CHN2: variants seen among roughly 807,000 people sequenced by gnomAD.
The protein encoded by CHN2 is chimerin 2.
In CHN2, 35 loss-of-function variants were observed where a neutral mutation model predicts 56.3. The observed-to-expected ratio is 0.62, with a 90% CI of 0.47 to 0.82. The LOEUF is 0.82. Ranked by LOEUF, CHN2 falls within the 40% of genes least tolerant of loss-of-function variation. The pLI is 0.00. For synonymous variants in CHN2, 210 were observed against 212.8 expected, an observed-to-expected ratio of 0.99 and a Z score of 0.12; for missense variants, 491 against 580.5, an observed-to-expected ratio of 0.85 and a Z score of 1.58.
In CHN2 at chr7:29,294,080, A is replaced by G. The variant is rs575161788; in HGVS notation, c.50-60545A>G. ...ACGGGGTTTCACCGTGTTAGCGAGG[A>G]TGGTCTCGATCTCCTGACCTCGTGA... On this transcript the variant is annotated intron_variant, in intron 1 of 12. Coordinates refer to ENST00000222792, the MANE Select transcript of CHN2 (RefSeq NM_004067.4). 2.0e-5 allele frequency among the ~76,000 whole-genome samples: 3 copies of G among 151,734 alleles called. No homozygotes were observed. In the South Asian group the frequency reaches 6.3e-4, roughly 32 times the overall value.
chr7:29,356,349 C>A (rs558924954), intron 2 of CHN2, among the ~76,000 whole-genome samples: 4 of 152,010 alleles, frequency 2.6e-5, no homozygotes, highest in Non-Finnish European at 4.4e-5. Context: ...TATGAATGTA[C>A]GTATTTGTTA....
chr7:29,434,871 A>G (rs931142448), intron 6 of CHN2, among the ~76,000 whole-genome samples: 5 of 152,202 alleles, frequency 3.3e-5, no homozygotes, highest in Non-Finnish European at 7.3e-5. Flanking sequence ...GCAGGCAGAT[A>G]GCTTGAGGAC....
intron 1 of CHN2, among the ~76,000 whole-genome samples, chr7:29,214,388 T>C (rs541534823): frequency 7.2e-5 from 11 of 152,330 alleles, no homozygotes; most frequent in Admixed American, 6.5e-5. Flanking sequence ...TTTATCCATA[T>C]GTTATAACCT....
chr7:29,294,615 G>T (rs1792972382), intron 1 of CHN2, among the ~76,000 whole-genome samples: 1 of 152,146 alleles, frequency 6.6e-6, no homozygotes, highest in African/African-American at 2.4e-5. Flanking sequence ...TGATTCAGAG[G>T]CATTATAAGT....
intron 3 of CHN2, among the ~76,000 whole-genome samples, chr7:29,382,513 G>A (rs914100006): frequency 6.6e-6 from 1 of 152,184 alleles, no homozygotes; most frequent in Non-Finnish European, 1.5e-5. Flanking sequence ...CCCCAGAAAG[G>A]GATCTGGGAG....
In CHN2 at chr7:29,405,754, TTTTG is replaced by T. The variant is rs1164069326; in HGVS notation, c.576+4942_576+4945del. Among the ~76,000 whole-genome samples the T allele has an allele frequency of 1.7e-4, 26 of 152,140 alleles. No individual in the cohort carries two copies. In the East Asian group the frequency reaches 3.7e-3, roughly 21 times the overall value. On this transcript the variant is annotated intron_variant, in intron 6 of 12. Transcript: ENST00000222792. The stretch of plus-strand genomic sequence containing the variant: ...CTCCCCTCTTGTCTCCCACTCAGCG[TTTTG>T]TTTGTTTGTTTGTTTTTTCTTTCTA...
intron 1 of CHN2, among the ~76,000 whole-genome samples, chr7:29,314,101 C>T (rs1439911651): frequency 6.6e-6 from 1 of 152,170 alleles, no homozygotes; most frequent in Non-Finnish European, 1.5e-5. Flanking sequence ...GATATTTGTA[C>T]ACCATGCTAC....
intron 1 of CHN2, among the ~76,000 whole-genome samples, chr7:29,257,509 C>G (rs905981008): frequency 5.3e-4 from 80 of 152,186 alleles, no homozygotes; most frequent in Non-Finnish European, 3.5e-4. Flanking sequence ...TTCCACTCCT[C>G]CACATATCCC....
chr7:29,193,794 T>C (rs1394308300), upstream of CHN2: 1 of 152,260 alleles, frequency 6.6e-6, no homozygotes, highest in African/African-American at 2.4e-5. Context: ...AATCTTTTTT[T>C]GCAAGGCACG....
At chr7:29,264,096 T>C (rs245987) in intron 1 of CHN2, among the ~76,000 whole-genome samples, 37,870 of 142,518 alleles carry the variant, frequency 0.27, 8,534 homozygotes, top group African/African-American at 0.62. Flanking sequence ...CGCCTCTGCC[T>C]GGCTGCCCCG....
At chr7:29,486,206 G>A (rs1787970773) in intron 7 of CHN2, among the ~76,000 whole-genome samples, 1 of 152,200 alleles carries the variant, frequency 6.6e-6, no homozygotes, top group Non-Finnish European at 1.5e-5. Context: ...ATTGACTGCA[G>A]AAACCCCAGT....
At chr7:29,355,071 C>T (rs771663352) in intron 2 of CHN2, among the ~76,000 whole-genome samples, 3 of 151,816 alleles carry the variant, frequency 2.0e-5, no homozygotes, top group Non-Finnish European at 2.9e-5. Flanking sequence ...TGGGTTCAAG[C>T]GATTCTCCTG....
intron 6 of CHN2, among the ~76,000 whole-genome samples, chr7:29,472,886 G>A (rs1420128): frequency 0.66 from 99,879 of 152,168 alleles, 32,901 homozygotes; most frequent in East Asian, 0.77. Flanking sequence ...AGCACCCCCA[G>A]TCTGCCACAC....
chr7:29,323,077 C>T (rs150291596), intron 1 of CHN2, among the ~76,000 whole-genome samples: 5 of 152,294 alleles, frequency 3.3e-5, no homozygotes, highest in South Asian at 2.1e-4. Context: ...ATGCTTGAAA[C>T]TGGGAGGCAG....
chr7:29,374,860 C>CCTCCCTTT (rs748126299), intron 3 of CHN2, among the ~76,000 whole-genome samples: 106 of 150,616 alleles, frequency 7.0e-4, no homozygotes, highest in Non-Finnish European at 1.3e-3. Context: ...TGCCTCCCTC[C>CCTCCCTTT]CTCCCTTTCT....
At chr7:29,256,768 G>A (rs994933938) in intron 1 of CHN2, among the ~76,000 whole-genome samples, 7 of 152,152 alleles carry the variant, frequency 4.6e-5, no homozygotes, top group African/African-American at 1.7e-4. Context: ...GAGGAACTTA[G>A]GCAGGCCAGG....
rs1783417789 is a variant in CHN2 at position 29,194,781 on chromosome 7, G to C, written c.-161G>C. On this transcript the variant is annotated 5_prime_UTR_variant, in exon 1 of 13. Coordinates refer to ENST00000222792, the MANE Select transcript of CHN2 (RefSeq NM_004067.4). ...CGGCGGCAGCGCGTCATCTGGTGGA[G>C]CAGGAAGTGCAGGCAGAGTCCGGAG... The C allele has an allele frequency of 2.0e-6, 1 of 507,592 alleles. No individual in the cohort carries two copies. Among genetic ancestry groups the C allele is most frequent in the African/African-American group, 2.0e-5 (1 of 49,450 alleles). 31.4% of individuals were successfully genotyped at this position (507,592 alleles called of 1,614,324 possible). A position where few individuals can be genotyped will look rare whatever the true frequency, so the allele number is the denominator to read the frequency against.
chr7:29,414,560 G>C (rs1366371201), intron 6 of CHN2, among the ~76,000 whole-genome samples: 1 of 152,072 alleles, frequency 6.6e-6, no homozygotes, highest in Non-Finnish European at 1.5e-5. Flanking sequence ...AGCTGTCCTG[G>C]CTTGAAGGAA....
intron 6 of CHN2, among the ~76,000 whole-genome samples, chr7:29,438,779 G>C (rs1187450270): frequency 6.6e-6 from 1 of 151,984 alleles, no homozygotes; most frequent in Non-Finnish European, 1.5e-5. Flanking sequence ...ATCTCCCTTT[G>C]GAACATTCTG....
Sources: allele counts gnomAD v4.1 joint callset (sites outside exome capture counted in the v4.1 genomes callset), GRCh38; gene constraint gnomAD v4.1.1; transcripts MANE v1.5; gene names NCBI Gene and HGNC (gene_info 2026-07-23, HGNC 2026-07-21).